The following GXYLT2 variants were observed in gnomAD, a reference collection of about 807,000 sequenced individuals.
GXYLT2 encodes glucoside xylosyltransferase 2, also known as glycosyltransferase 8 domain containing 4.
In GXYLT2, 53 loss-of-function variants were observed where a neutral mutation model predicts 45.8. The ratio of observed to expected loss-of-function variants is 1.16; its 90% confidence interval spans 0.93 to 1.46. The LOEUF (loss-of-function observed/expected upper bound fraction) is 1.46, where lower values mean the gene tolerates loss of function less well. Ranked by LOEUF, GXYLT2 falls within the 40% of genes most tolerant of loss-of-function variation. The pLI is 0.00. For synonymous variants in GXYLT2, 219 were observed against 214.2 expected, an observed-to-expected ratio of 1.02 and a Z score of -0.19; for missense variants, 551 against 544.4, an observed-to-expected ratio of 1.01 and a Z score of -0.12.
intron 2 of GXYLT2, among the ~76,000 whole-genome samples, chr3:72,911,246 T>C (rs1709613484): frequency 1.3e-5 from 2 of 152,050 alleles, no homozygotes; most frequent in Non-Finnish European, 2.9e-5. Flanking sequence ...GCTGAGATTG[T>C]GCCATTGCAC....
At chr3:72,933,925 T>C (rs1320062819) in intron 3 of GXYLT2, among the ~76,000 whole-genome samples, 3 of 151,052 alleles carry the variant, frequency 2.0e-5, no homozygotes, top group African/African-American at 7.3e-5. Flanking sequence ...ATAATAATAA[T>C]AAAGAAAGGA....
At chr3:72,901,288 CAAAAAAA>C (rs35141445) in intron 1 of GXYLT2, among the ~76,000 whole-genome samples, 1 of 96,478 alleles carries the variant, frequency 1.0e-5, no homozygotes, top group Admixed American at 1.1e-4. Context: ...GACTCTGTCT[CAAAAAAA>C]AAAAAAAAAA....
At chr3:72,912,843 C>A (rs901242638) in intron 2 of GXYLT2, among the ~76,000 whole-genome samples, 1 of 152,138 alleles carries the variant, frequency 6.6e-6, no homozygotes, top group African/African-American at 2.4e-5. Flanking sequence ...AATCTGTAAG[C>A]ATAATAAATG....
chr3:72,944,101 G>A (rs1411789987), intron 3 of GXYLT2, among the ~76,000 whole-genome samples: 1 of 148,542 alleles, frequency 6.7e-6, no homozygotes, highest in Non-Finnish European at 1.5e-5. Context: ...TTGTTTGTTT[G>A]TTTAAAGACA....
rs1208634989 is a variant in GXYLT2 at position 72,957,226 on chromosome 3, C to T, written c.853-3C>T. ...GCTGTTCTGATGGTTTTCTTTTTTC[C>T]AGAACAGCATGATTCCAACAGGCCT... On this transcript the variant is annotated splice_region_variant and splice_polypyrimidine_tract_variant and intron_variant, in intron 4 of 6. Transcript: ENST00000389617. 1.2e-6 allele frequency: 2 copies of T among 1,602,442 alleles called. No individual in the cohort carries two copies. The highest frequency in any genetic ancestry group is 4.5e-5 in the East Asian group (2 of 44,780).
chr3:72,960,098 A>T (rs1161995986), intron 5 of GXYLT2, among the ~76,000 whole-genome samples: 1 of 152,180 alleles, frequency 6.6e-6, no homozygotes, highest in African/African-American at 2.4e-5. Context: ...GGCACCTGCC[A>T]CCACACCCAG....
chr3:72,904,805 C>A (rs1434908726), intron 1 of GXYLT2, among the ~76,000 whole-genome samples: 2 of 150,828 alleles, frequency 1.3e-5, no homozygotes, highest in Non-Finnish European at 2.9e-5. Flanking sequence ...ATTTGGGAGG[C>A]CAAGGTGGGC....
chr3:72,926,418 T>A (rs576702040), intron 3 of GXYLT2, among the ~76,000 whole-genome samples: 2 of 152,344 alleles, frequency 1.3e-5, no homozygotes, highest in East Asian at 3.9e-4. Flanking sequence ...GCAGATGGCT[T>A]GGTTAAGCGT....
At position 72,931,981 on chromosome 3, in the gene GXYLT2, A is replaced by G. The variant is rs1710045847; in HGVS notation, c.600+9646A>G. On this transcript the variant is annotated intron_variant, in intron 3 of 6. Coordinates refer to ENST00000389617, the MANE Select transcript of GXYLT2 (RefSeq NM_001080393.2). The stretch of plus-strand genomic sequence containing the variant: ...CCAACATTACCAAAATAAAAGGATT[A>G]TAAAGCAATACTATGAATAATTGTA... Among the ~76,000 whole-genome samples, 2 of 152,236 alleles carry G rather than the reference A, an allele frequency of 1.3e-5. 1 individual carries two copies. Among genetic ancestry groups the G allele is most frequent in the South Asian group, 4.1e-4 (2 of 4,832 alleles).
rs55680713 is a variant in GXYLT2 at position 72,959,106 on chromosome 3, C to CTTTTTTTT, written c.976+1776_976+1783dup. ...TATAGGTGTGCATCACCACACCCAG[C>CTTTTTTTT]TTTTTTTTTTTTTTTTTTTTTTTTT... On this transcript the variant is annotated intron_variant, in intron 5 of 6. Coordinates refer to ENST00000389617, the MANE Select transcript of GXYLT2 (RefSeq NM_001080393.2). Among the ~76,000 whole-genome samples the CTTTTTTTT allele has an allele frequency of 6.7e-5, 4 of 60,000 alleles. 1 individual carries two copies. The highest frequency in any genetic ancestry group is 1.5e-3 in the East Asian group (2 of 1,314). 39.4% of individuals were successfully genotyped at this position (60,000 alleles called of 152,430 possible). A position where few individuals can be genotyped will look rare whatever the true frequency, so the allele number is the denominator to read the frequency against.
At chr3:72,931,518 C>A (rs9820819) in intron 3 of GXYLT2, among the ~76,000 whole-genome samples, 3 of 151,784 alleles carry the variant, frequency 2.0e-5, no homozygotes, top group African/African-American at 7.3e-5. Context: ...CGTGAGCCAC[C>A]GCGCCCGGCC....
intron 4 of GXYLT2, 114 bp downstream of exon 4, chr3:72,955,463 G>A (rs1362628136): frequency 2.4e-6 from 2 of 837,760 alleles, no homozygotes; most frequent in Non-Finnish European, 3.7e-6. Context: ...CTATAGGTGA[G>A]GATAAAAGGA....
chr3:72,890,588 C>G (rs1709164138), intron 1 of GXYLT2, among the ~76,000 whole-genome samples: 1 of 152,216 alleles, frequency 6.6e-6, no homozygotes, highest in Non-Finnish European at 1.5e-5. Flanking sequence ...CATAGACTTG[C>G]CTGCAATTCG....
chr3:72,943,426 G>A (rs942170964), intron 3 of GXYLT2, among the ~76,000 whole-genome samples: 15 of 151,366 alleles, frequency 9.9e-5, no homozygotes, highest in African/African-American at 3.4e-4. Flanking sequence ...GCCCAGGCTG[G>A]AGTGCAGTGG....
chr3:72,967,815 C>A, intron 6 of GXYLT2, 96 bp downstream of exon 6: 2 of 1,019,578 alleles, frequency 2.0e-6, no homozygotes, highest in Non-Finnish European at 3.0e-6. Flanking sequence ...CAAATATTCC[C>A]AAAGCATAGA....
chr3:72,920,199 A>G (rs1381146825), intron 2 of GXYLT2, among the ~76,000 whole-genome samples: 2 of 151,954 alleles, frequency 1.3e-5, no homozygotes, highest in Admixed American at 6.6e-5. Flanking sequence ...CAGTGGTCCA[A>G]TCTTGGCTCA....
At chr3:72,911,268 C>T (rs376162403) in intron 2 of GXYLT2, among the ~76,000 whole-genome samples, 3 of 151,364 alleles carry the variant, frequency 2.0e-5, no homozygotes, top group South Asian at 2.1e-4. Flanking sequence ...CTAGCCTGGG[C>T]GACAGAGAAA....
intron 1 of GXYLT2, among the ~76,000 whole-genome samples, chr3:72,892,301 G>C (rs7634316): frequency 0.26 from 39,904 of 152,038 alleles, 6,016 homozygotes; most frequent in Non-Finnish European, 0.34. Context: ...CCATCCTAGC[G>C]CTCTTACTGA....
chr3:72,949,698 A>G (rs1461499858), intron 3 of GXYLT2, among the ~76,000 whole-genome samples: 1 of 151,318 alleles, frequency 6.6e-6, no homozygotes, highest in Non-Finnish European at 1.5e-5. Flanking sequence ...TATTTTTAGT[A>G]GAGATGGGGT....
Sources: gnomAD v4.1 joint callset for allele counts (sites outside exome capture counted in the v4.1 genomes callset) on GRCh38, gnomAD v4.1.1 for gene constraint, MANE v1.5 for transcripts, NCBI Gene and HGNC (gene_info 2026-07-23, HGNC 2026-07-21) for gene names.